DENND6A: variants seen among roughly 807,000 people sequenced by gnomAD.
The protein encoded by DENND6A is protein DENND6A.
DENND6A carries 43 observed loss-of-function variants against 95.5 expected under a neutral mutation model. The observed-to-expected ratio is 0.45, with a 90% CI of 0.35 to 0.58. The LOEUF is 0.58. Among genes scored for constraint, DENND6A ranks in the 20% least tolerant of loss-of-function variants. The pLI, the probability that DENND6A is intolerant of heterozygous loss-of-function variation, is 0.00. For synonymous variants in DENND6A, 257 were observed against 260.4 expected (o/e 0.99, Z 0.13); for missense variants, 574 against 736.0 (o/e 0.78, Z 2.55).
At chr3:57,639,998 C>T (rs564313823) in intron 12 of DENND6A, among the ~76,000 whole-genome samples, 6 of 152,174 alleles carry the variant, frequency 3.9e-5, no homozygotes, top group Admixed American at 3.3e-4. Context: ...GCTGGCCAGG[C>T]GCAGTGGCTC....
intron 5 of DENND6A, among the ~76,000 whole-genome samples, chr3:57,662,451 C>T (rs184239489): frequency 1.8e-4 from 27 of 152,020 alleles, no homozygotes; most frequent in Non-Finnish European, 3.7e-4. Context: ...AATCTGCCCA[C>T]CTTGTCCTCC....
At chr3:57,674,401 G>A (rs2071673579) in intron 1 of DENND6A, among the ~76,000 whole-genome samples, 1 of 148,192 alleles carries the variant, frequency 6.7e-6, no homozygotes, top group Non-Finnish European at 1.5e-5. Context: ...GGGAGGCCGA[G>A]GCAGGTGGAT....
At chr3:57,662,185 C>CTTTTTTTTTTTTTTTT (rs60063768) in intron 5 of DENND6A, among the ~76,000 whole-genome samples, 79 of 79,138 alleles carry the variant, frequency 1.0e-3, no homozygotes, top group Non-Finnish European at 1.2e-3. Flanking sequence ...TTTCTTTTTT[C>CTTTTTTTTTTTTTTTT]TTTTTTTTTT....
At chr3:57,643,672 C>G (rs1221130801) in intron 11 of DENND6A, among the ~76,000 whole-genome samples, 1 of 151,546 alleles carries the variant, frequency 6.6e-6, no homozygotes, top group African/African-American at 2.4e-5. Context: ...ACTAAAAATA[C>G]AAAAATTAGC....
chr3:57,655,296 G>A (rs1278864181), intron 9 of DENND6A, among the ~76,000 whole-genome samples: 1 of 152,204 alleles, frequency 6.6e-6, no homozygotes, highest in Non-Finnish European at 1.5e-5. Context: ...GCCTCCCAAA[G>A]TGCTGGGATT....
At chr3:57,665,601 A>G (rs564820918) in intron 4 of DENND6A, among the ~76,000 whole-genome samples, 87 of 152,324 alleles carry the variant, frequency 5.7e-4, no homozygotes, top group African/African-American at 2.0e-3. Context: ...AAAAACTGTT[A>G]TCAGGCAAAT....
chr3:57,645,672 A>G lies in DENND6A; in HGVS notation c.1026T>C (p.Arg342=), dbSNP rs1398679658. Residue 342 remains arginine, a synonymous_variant, in exon 11 of 20, where the codon CGT becomes CGC. Transcript: ENST00000311128. Reference sequence around the variant, plus strand: ...TTATTTTTACTTACGGAGCTTGGGTACGGGTAGTATATTCTTTGAATTCAC... The same window carrying G: ...TTATTTTTACTTACGGAGCTTGGGTGCGGGTAGTATATTCTTTGAATTCAC... ...HDSEFKEYTT[R]TQAPPSVILG... The G allele has an allele frequency of 2.1e-5, 34 of 1,611,200 alleles. No homozygotes were observed. Among genetic ancestry groups the G allele is most frequent in the Non-Finnish European group, 2.8e-5 (33 of 1,178,196 alleles).
At chr3:57,638,892 C>T (rs1575819453) in intron 12 of DENND6A, among the ~76,000 whole-genome samples, 2 of 152,226 alleles carry the variant, frequency 1.3e-5, no homozygotes, top group East Asian at 3.9e-4. Flanking sequence ...TGCTTGAGCA[C>T]AGGAGTTTAG....
chr3:57,640,895 T>A lies in DENND6A; in HGVS notation c.1132+758A>T, dbSNP rs1002016678. 3.3e-5 allele frequency among the ~76,000 whole-genome samples: 5 copies of A among 152,148 alleles called. No homozygotes were observed. The Middle Eastern group carries it at 0.01, about 311-fold the overall frequency. On this transcript the variant is annotated intron_variant, in intron 12 of 19. Transcript: ENST00000311128. Reference sequence around the variant, plus strand: ...GTTAACAAAACTTCCAACCTCAGAATTCATATACTTAAACATCTGTTAAAC... The same window carrying A: ...GTTAACAAAACTTCCAACCTCAGAAATCATATACTTAAACATCTGTTAAAC...
At chr3:57,642,908 A>T (rs1455779433) in intron 11 of DENND6A, among the ~76,000 whole-genome samples, 2 of 151,646 alleles carry the variant, frequency 1.3e-5, no homozygotes, top group Non-Finnish European at 2.9e-5. Flanking sequence ...GGGGAGGCTG[A>T]GGCAGGAGAA....
intron 9 of DENND6A, among the ~76,000 whole-genome samples, chr3:57,648,170 T>C (rs2071119159): frequency 6.6e-6 from 1 of 152,180 alleles, no homozygotes; most frequent in Non-Finnish European, 1.5e-5. Flanking sequence ...AGTTTCCGAA[T>C]ACAAAATTAA....
At chr3:57,667,433 A>G (rs2071541891) in intron 3 of DENND6A, among the ~76,000 whole-genome samples, 1 of 152,206 alleles carries the variant, frequency 6.6e-6, no homozygotes, top group South Asian at 2.1e-4. Context: ...CTGGGATTAC[A>G]GGCGAGAGCC....
chr3:57,672,564 C>CT, intron 1 of DENND6A, 126 bp from the exon 2 acceptor site: 1 of 951,326 alleles, frequency 1.1e-6, no homozygotes, highest in African/African-American at 1.7e-5. Flanking sequence ...AGGCGGATCA[C>CT]TTGAGGTCAG....
At position 57,660,788 on chromosome 3, in the gene DENND6A, T is replaced by A. The variant is rs760083299; in HGVS notation, c.671A>T (p.His224Leu). ...CATTACCACCCCCATGATTGGCAGG[T>A]GTAATGTTTTCCCTGGCACTGGGGC... is the stretch of plus-strand genomic sequence containing the variant. ...WPAPVPGKTL[H>L]LPIMGVVMKV... The change falls in exon 7 of 20, where the codon CAC becomes CTC. Residue 224 changes from histidine to leucine, a missense_variant. By Grantham distance (99) the His-to-Leu change is moderately conservative. Coordinates refer to ENST00000311128, the MANE Select transcript of DENND6A (RefSeq NM_152678.3). The A allele has an allele frequency of 6.2e-7, 1 of 1,610,272 alleles. No homozygotes were observed. Among genetic ancestry groups the A allele is most frequent in the South Asian group, 1.1e-5 (1 of 90,286 alleles).
At chr3:57,649,711 C>G (rs980020163) in intron 9 of DENND6A, among the ~76,000 whole-genome samples, 1 of 151,236 alleles carries the variant, frequency 6.6e-6, no homozygotes, top group African/African-American at 2.4e-5. Flanking sequence ...TTCTCATCTC[C>G]CCTGGGCCCT....
At chr3:57,639,569 T>C (rs2070878992) in intron 12 of DENND6A, among the ~76,000 whole-genome samples, 1 of 152,200 alleles carries the variant, frequency 6.6e-6, no homozygotes, top group Non-Finnish European at 1.5e-5. Context: ...TCATCTCATA[T>C]CCAAGACTCT....
At chr3:57,641,777 A>G in intron 11 of DENND6A, 30 bp from the exon 12 acceptor site, 2 of 1,558,002 alleles carry the variant, frequency 1.3e-6, no homozygotes, top group Middle Eastern at 1.7e-4. Flanking sequence ...ACAAAATAAA[A>G]AAGGTGAGAA....
chr3:57,637,907 G>A (rs1289104391), intron 12 of DENND6A, among the ~76,000 whole-genome samples: 2 of 152,096 alleles, frequency 1.3e-5, no homozygotes, highest in South Asian at 2.1e-4. Flanking sequence ...AGGCTGAGGT[G>A]AGTGGATCAC....
At chr3:57,653,064 C>G (rs1354408953) in intron 9 of DENND6A, among the ~76,000 whole-genome samples, 3 of 152,114 alleles carry the variant, frequency 2.0e-5, no homozygotes, top group Non-Finnish European at 1.5e-5. Context: ...GAAATAGACT[C>G]TAAAGTATTA....
Sources: allele counts gnomAD v4.1 joint callset (sites outside exome capture counted in the v4.1 genomes callset), GRCh38; gene constraint gnomAD v4.1.1; transcripts MANE v1.5; gene names NCBI Gene and HGNC (gene_info 2026-07-23, HGNC 2026-07-21).